Variants in RABGAP1L observed in about 807,000 individuals in gnomAD.
RABGAP1L encodes the protein rab GTPase-activating protein 1-like.
RABGAP1L carries 63 observed loss-of-function variants against 137.7 expected under a neutral mutation model. That is an observed-to-expected ratio of 0.46 (90% CI 0.37 to 0.56). The LOEUF (loss-of-function observed/expected upper bound fraction) is 0.56, where lower values mean the gene tolerates loss of function less well. RABGAP1L is among the 20% of genes least tolerant of loss of function. The probability of loss-of-function intolerance (pLI) is 0.00; values close to 1 mark genes in which losing one functional copy is unlikely to be tolerated. For synonymous variants in RABGAP1L, 431 were observed against 433.7 expected (o/e 0.99, Z 0.08); for missense variants, 1,095 against 1,244.0 (o/e 0.88, Z 1.80).
intron 20 of RABGAP1L, chr1:174,965,079 C>T: frequency 1.1e-6 from 1 of 891,834 alleles, no homozygotes. Flanking sequence ...ACTAACCAAA[C>T]TTTCCCAGCT....
chr1:174,675,471 A>G (rs1294301335), intron 14 of RABGAP1L, among the ~76,000 whole-genome samples: 3 of 151,770 alleles, frequency 2.0e-5, no homozygotes, highest in Non-Finnish European at 2.9e-5. Flanking sequence ...TACCAGTACC[A>G]TGCTGTTTTG....
At chr1:174,305,666 G>A (rs146486039) in intron 11 of RABGAP1L, among the ~76,000 whole-genome samples, 1,542 of 152,132 alleles carry the variant, frequency 0.01, 22 homozygotes, top group African/African-American at 0.034. Flanking sequence ...GATTACAGGC[G>A]TGAGCCACTG....
chr1:174,444,003 T>C (rs1465227332), intron 13 of RABGAP1L, among the ~76,000 whole-genome samples: 1 of 151,994 alleles, frequency 6.6e-6, no homozygotes, highest in Non-Finnish European at 1.5e-5. Context: ...TGTGTAGATT[T>C]ATTTCTGGTT....
chr1:174,212,707 A>G (rs1318076596), intron 1 of RABGAP1L, among the ~76,000 whole-genome samples: 2 of 152,122 alleles, frequency 1.3e-5, no homozygotes. Context: ...GAAATAAATT[A>G]ATTTGACATG....
At chr1:174,979,104 G>C (rs1670890242) in intron 23 of RABGAP1L, among the ~76,000 whole-genome samples, 1 of 152,144 alleles carries the variant, frequency 6.6e-6, no homozygotes, top group South Asian at 2.1e-4. Context: ...AGGATCAGTT[G>C]TACCCAGGAG....
At chr1:174,606,348 C>T (rs142590483) in intron 13 of RABGAP1L, among the ~76,000 whole-genome samples, 83 of 152,314 alleles carry the variant, frequency 5.4e-4, no homozygotes, top group Non-Finnish European at 9.8e-4. Context: ...GCCACACCCA[C>T]TGTCTTTCAG....
At chr1:174,567,213 CTACTT>C (rs1300775964) in intron 13 of RABGAP1L, among the ~76,000 whole-genome samples, 4 of 152,206 alleles carry the variant, frequency 2.6e-5, no homozygotes, top group Non-Finnish European at 5.9e-5. Flanking sequence ...GTAACCTACT[CTACTT>C]TGTCTTTATG....
intron 17 of RABGAP1L, chr1:174,705,352 G>A (rs920148306): frequency 6.6e-6 from 1 of 152,204 alleles, no homozygotes; most frequent in South Asian, 2.1e-4. Context: ...TCTAATGTCA[G>A]TTAAGAAAAC....
chr1:174,690,742 G>C (rs1296897536), intron 15 of RABGAP1L, among the ~76,000 whole-genome samples: 1 of 149,336 alleles, frequency 6.7e-6, no homozygotes, highest in Non-Finnish European at 1.5e-5. Flanking sequence ...ATGACTAGAA[G>C]TTTTCATTCT....
rs551346716 is a variant in RABGAP1L at position 174,232,306 on chromosome 1, G to A, written c.542+951G>A. On this transcript the variant is annotated intron_variant, in intron 4 of 25. Coordinates refer to ENST00000681986, the MANE Select transcript of RABGAP1L (RefSeq NM_001366446.1). ...GTGAATCACTTGAGGTCAGGAGTTC[G>A]AAACCAGCCTGGGCAAAATAATACA... Among the ~76,000 whole-genome samples the A allele has an allele frequency of 3.9e-5, 6 of 152,076 alleles. No homozygotes were observed. The South Asian group carries it at 6.2e-4, about 16-fold the overall frequency.
chr1:174,730,571 A>G (rs1014960947), intron 17 of RABGAP1L, among the ~76,000 whole-genome samples: 4 of 152,214 alleles, frequency 2.6e-5, no homozygotes, highest in Non-Finnish European at 4.4e-5. Context: ...AGTTGGATAT[A>G]CAATGCTATT....
At chr1:174,386,731 A>T (rs1320245874) in intron 12 of RABGAP1L, among the ~76,000 whole-genome samples, 3 of 151,044 alleles carry the variant, frequency 2.0e-5, no homozygotes, top group Non-Finnish European at 4.4e-5. Flanking sequence ...CTGGTCTTGA[A>T]CTCCTGACCT....
At chr1:174,173,892 T>C (rs985331533) in intron 1 of RABGAP1L, among the ~76,000 whole-genome samples, 4 of 152,202 alleles carry the variant, frequency 2.6e-5, no homozygotes, top group Non-Finnish European at 2.9e-5. Flanking sequence ...ATTTTAGATA[T>C]AGGTATGAAA....
At chr1:174,913,752 G>A (rs771541479) in intron 19 of RABGAP1L, among the ~76,000 whole-genome samples, 11 of 152,142 alleles carry the variant, frequency 7.2e-5, no homozygotes, top group Admixed American at 3.3e-4. Context: ...TTTCAATGGA[G>A]TAATTATAGG....
intron 13 of RABGAP1L, among the ~76,000 whole-genome samples, chr1:174,438,723 ACCC>A (rs1653738837): frequency 1.7e-5 from 2 of 115,512 alleles, no homozygotes; most frequent in African/African-American, 8.7e-5. Flanking sequence ...GTCAAAAAAA[ACCC>A]AAAAAAAGTG....
chr1:174,322,374 C>A (rs1042358143), intron 11 of RABGAP1L, among the ~76,000 whole-genome samples: 1 of 152,124 alleles, frequency 6.6e-6, no homozygotes, highest in Non-Finnish European at 1.5e-5. Context: ...AAGACTTTCT[C>A]ATGAAGAATC....
chr1:174,622,792 C>G lies in RABGAP1L; in HGVS notation c.1711-14583C>G, dbSNP rs141147033. Among the ~76,000 whole-genome samples the G allele has an allele frequency of 5.7e-3, 869 of 152,290 alleles. 6 individuals are homozygous for G. Among genetic ancestry groups the G allele is most frequent in the African/African-American group, 0.018 (740 of 41,550 alleles). Reference sequence around the variant, plus strand: ...ATGGGTGCAGCACACCAGCATGGCACATGTATACATATGTAACTAACCTGC... The same window carrying G: ...ATGGGTGCAGCACACCAGCATGGCAGATGTATACATATGTAACTAACCTGC... On this transcript the variant is annotated intron_variant, in intron 13 of 25. Coordinates refer to ENST00000681986, the MANE Select transcript of RABGAP1L (RefSeq NM_001366446.1).
intron 1 of RABGAP1L, among the ~76,000 whole-genome samples, chr1:174,210,204 T>C (rs1668782778): frequency 6.6e-6 from 1 of 152,062 alleles, no homozygotes; most frequent in Non-Finnish European, 1.5e-5. Context: ...CAGATGAACA[T>C]CGACAAGCAT....
At chr1:174,982,152 AC>A (rs144961209) in intron 23 of RABGAP1L, among the ~76,000 whole-genome samples, 2,616 of 152,078 alleles carry the variant, frequency 0.017, 74 homozygotes, top group African/African-American at 0.058. Flanking sequence ...TTTTTTTAAT[AC>A]CTTAAATTCT....
Sources: gnomAD v4.1 joint callset for allele counts (sites outside exome capture counted in the v4.1 genomes callset) on GRCh38, gnomAD v4.1.1 for gene constraint, MANE v1.5 for transcripts, NCBI Gene and HGNC (gene_info 2026-07-23, HGNC 2026-07-21) for gene names.